The following BBS9 variants were observed in gnomAD, a reference collection of about 807,000 sequenced individuals.
The protein encoded by BBS9 is protein PTHB1.
A neutral mutation model predicts 117.7 loss-of-function variants in BBS9; 89 were observed. The ratio of observed to expected loss-of-function variants is 0.76; its 90% CI spans 0.64 to 0.90. BBS9 has a LOEUF of 0.90. BBS9 is among the 40% of genes least tolerant of loss of function. The probability of loss-of-function intolerance (pLI) is 0.00; values close to 1 mark genes in which losing one functional copy is unlikely to be tolerated. For synonymous variants in BBS9, 379 were observed against 370.9 expected (o/e 1.02, Z -0.25); for missense variants, 982 against 1,042.2 (o/e 0.94, Z 0.80).
At chr7:33,300,776 A>C (rs1360199103) in intron 9 of BBS9, among the ~76,000 whole-genome samples, 1 of 152,116 alleles carries the variant, frequency 6.6e-6, no homozygotes, top group Non-Finnish European at 1.5e-5. Context: ...CTTCCTTCTA[A>C]ATCTTCAAGC....
rs749030583 is a variant in BBS9 at position 33,257,338 on chromosome 7, G to C, written c.545G>C (p.Gly182Ala). ...GRFLPGFLLP[G>A]PLAYSSRTDS... is the part of the protein sequence containing the mutation. The stretch of plus-strand genomic sequence containing the variant: ...TTTCTCCCTGGCTTTCTTCTGCCTG[G>C]TCCTCTTGCCTACAGTTCCCGTACA... The change falls in exon 6 of 23, where the codon GGT (glycine) becomes GCT (alanine). Residue 182 changes from glycine (G) to alanine (A), a missense_variant. Coordinates refer to ENST00000242067, the MANE Select transcript of BBS9 (RefSeq NM_198428.3). The C allele has an allele frequency of 6.2e-7, 1 of 1,613,890 alleles. No homozygotes were observed. The highest frequency in any genetic ancestry group is 8.5e-7 in the Non-Finnish European group (1 of 1,179,880).
chr7:33,405,327 C>T (rs961297172), intron 19 of BBS9, among the ~76,000 whole-genome samples: 5 of 151,770 alleles, frequency 3.3e-5, no homozygotes, highest in South Asian at 4.2e-4. Flanking sequence ...TGTCTCTGCC[C>T]GGCTTTGGTA....
intron 9 of BBS9, among the ~76,000 whole-genome samples, chr7:33,313,376 A>G (rs556844455): frequency 6.6e-6 from 1 of 152,308 alleles, no homozygotes; most frequent in African/African-American, 2.4e-5. Flanking sequence ...GTTGCGTCAA[A>G]TATTTATAAA....
chr7:33,390,328 A>G, intron 19 of BBS9: 1 of 985,246 alleles, frequency 1.0e-6, no homozygotes. Flanking sequence ...TTCGTCTTTT[A>G]TACATTTAAA....
intron 2 of BBS9, among the ~76,000 whole-genome samples, chr7:33,152,243 C>A (rs1793455269): frequency 2.6e-5 from 4 of 152,110 alleles, no homozygotes; most frequent in Admixed American, 2.0e-4. Flanking sequence ...CTATCATTTC[C>A]CCTGCTTGTA....
At chr7:33,603,733 G>A (rs1864162737) in intron 21 of BBS9, among the ~76,000 whole-genome samples, 1 of 152,086 alleles carries the variant, frequency 6.6e-6, no homozygotes, top group Non-Finnish European at 1.5e-5. Flanking sequence ...TGCATTGATG[G>A]ATAATTCTAA....
intron 5 of BBS9, among the ~76,000 whole-genome samples, chr7:33,215,882 T>C (rs1385716368): frequency 6.6e-6 from 1 of 152,058 alleles, no homozygotes; most frequent in Admixed American, 6.5e-5. Context: ...TAAAAATATG[T>C]CTAAGATTTT....
In BBS9 at chr7:33,574,684, A is replaced by AACACACACACAC. The variant is rs371229936; in HGVS notation, c.2522-30150_2522-30139dup. ...TTCAATTGTACTGGAAGTCATAGAAAACACACACACACACACACACACACA... is the reference window on the plus strand; with the variant it reads ...TTCAATTGTACTGGAAGTCATAGAAAACACACACACACACACACACACACACACACACACACA... On this transcript the variant is annotated intron_variant, in intron 21 of 22. Transcript: ENST00000242067. 1.4e-3 allele frequency among the ~76,000 whole-genome samples: 196 copies of AACACACACACAC among 137,644 alleles called. 1 individual carries two copies. Among genetic ancestry groups the AACACACACACAC allele is most frequent in the East Asian group, 6.1e-3 (29 of 4,774 alleles). The allele number at this position is 137,644 out of a possible 152,430, so 90.3% of individuals were successfully genotyped here.
chr7:33,379,680 G>A (rs1299613997), intron 17 of BBS9, among the ~76,000 whole-genome samples: 1 of 151,876 alleles, frequency 6.6e-6, no homozygotes, highest in Non-Finnish European at 1.5e-5. Context: ...TGCTGTGTAG[G>A]TCCAAAGAAA....
intron 19 of BBS9, among the ~76,000 whole-genome samples, chr7:33,400,861 C>G (rs1162264126): frequency 6.6e-6 from 1 of 152,094 alleles, no homozygotes; most frequent in Non-Finnish European, 1.5e-5. Flanking sequence ...AACAATCTAG[C>G]AGTAGGAAAA....
intron 9 of BBS9, among the ~76,000 whole-genome samples, chr7:33,329,984 A>G (rs1456169645): frequency 6.6e-6 from 1 of 151,812 alleles, no homozygotes; most frequent in African/African-American, 2.4e-5. Context: ...GATTTATAAG[A>G]GTTCTTTACA....
intron 5 of BBS9, among the ~76,000 whole-genome samples, chr7:33,201,804 G>T (rs1220180725): frequency 6.6e-6 from 1 of 152,018 alleles, no homozygotes; most frequent in Non-Finnish European, 1.5e-5. Flanking sequence ...TTGATGTAAT[G>T]TTTCTAGAAA....
intron 21 of BBS9, among the ~76,000 whole-genome samples, chr7:33,626,741 G>A (rs1201969278): frequency 6.6e-6 from 1 of 152,272 alleles, no homozygotes; most frequent in East Asian, 1.9e-4. Flanking sequence ...TGAACTTGAG[G>A]GTGATGACTT....
intron 19 of BBS9, among the ~76,000 whole-genome samples, chr7:33,434,541 A>G (rs941937778): frequency 1.3e-5 from 2 of 152,098 alleles, no homozygotes; most frequent in Non-Finnish European, 2.9e-5. Flanking sequence ...GAACGGAAAT[A>G]TGGTGTAGGG....
intron 4 of BBS9, among the ~76,000 whole-genome samples, chr7:33,157,416 G>T (rs1483035330): frequency 6.6e-6 from 1 of 152,074 alleles, no homozygotes; most frequent in Admixed American, 6.6e-5. Context: ...ATTCTCTGGG[G>T]ACTAGGAGTT....
chr7:33,321,928 G>C (rs1811807986), intron 9 of BBS9, among the ~76,000 whole-genome samples: 1 of 151,770 alleles, frequency 6.6e-6, no homozygotes, highest in Non-Finnish European at 1.5e-5. Flanking sequence ...TTTTTATCAT[G>C]AAAGGATGTT....
At chr7:33,470,109 C>A (rs1201326261) in intron 19 of BBS9, among the ~76,000 whole-genome samples, 1 of 152,156 alleles carries the variant, frequency 6.6e-6, no homozygotes, top group East Asian at 1.9e-4. Flanking sequence ...GAATTGAGGA[C>A]TTACTACAAT....
At chr7:33,543,275 T>C (rs755866433) in intron 21 of BBS9, among the ~76,000 whole-genome samples, 1 of 151,782 alleles carries the variant, frequency 6.6e-6, no homozygotes, top group Non-Finnish European at 1.5e-5. Flanking sequence ...GAGAATTGTC[T>C]ATTCATGTCC....
At chr7:33,363,752 A>G (rs1821081458) in intron 16 of BBS9, among the ~76,000 whole-genome samples, 1 of 151,344 alleles carries the variant, frequency 6.6e-6, no homozygotes, top group African/African-American at 2.4e-5. Flanking sequence ...GACTGTAATC[A>G]GGAATGGATA....
Sources: allele counts gnomAD v4.1 joint callset (sites outside exome capture counted in the v4.1 genomes callset), GRCh38; gene constraint gnomAD v4.1.1; transcripts MANE v1.5; gene names NCBI Gene and HGNC (gene_info 2026-07-23, HGNC 2026-07-21).